CTNNA3: variants seen among roughly 807,000 people sequenced by gnomAD.
The protein encoded by CTNNA3 is catenin alpha-3.
In CTNNA3, 76 loss-of-function variants were observed where a neutral mutation model predicts 95.7. The ratio of observed to expected loss-of-function variants is 0.79; its 90% CI spans 0.66 to 0.96. The LOEUF is 0.96. Ranked by LOEUF, CTNNA3 falls within the 40% of genes least tolerant of loss-of-function variation. CTNNA3 has a pLI of 0.00. For synonymous variants in CTNNA3, 431 were observed against 374.4 expected (o/e 1.15, Z -1.74); for missense variants, 1,191 against 1,089.8 (o/e 1.09, Z -1.31).
chr10:67,395,481 T>G (rs1844677267), intron 5 of CTNNA3, among the ~76,000 whole-genome samples: 1 of 152,182 alleles, frequency 6.6e-6, no homozygotes, highest in Non-Finnish European at 1.5e-5. Flanking sequence ...AACACAAAAC[T>G]AATTATTCTC....
chr10:66,927,266 G>C lies in CTNNA3; in HGVS notation c.1048-151742C>G. 1 of 1,613,942 alleles carries C rather than the reference G, an allele frequency of 6.2e-7. No individual in the cohort carries two copies. The highest frequency in any genetic ancestry group is 8.5e-7 in the Non-Finnish European group (1 of 1,179,942). ...CGCAGACTCAAAGAGCTGATTCTTA[G>C]TTCCAATAGAATCTCCTATTTTCTT... On this transcript the variant is annotated intron_variant, in intron 7 of 17. Coordinates refer to ENST00000433211, the MANE Select transcript of CTNNA3 (RefSeq NM_013266.4). This position sits in a 1 kb window ranked among gnomAD's most constrained non-coding sequence, Gnocchi z 4.7.
intron 1 of CTNNA3, among the ~76,000 whole-genome samples, chr10:67,694,918 C>T (rs916075749): frequency 1.3e-5 from 2 of 152,144 alleles, no homozygotes; most frequent in Non-Finnish European, 2.9e-5. Flanking sequence ...TAGGAGGTAA[C>T]AAATGGGAAT....
chr10:65,997,227 A>C (rs991649837), intron 15 of CTNNA3, among the ~76,000 whole-genome samples: 1 of 152,218 alleles, frequency 6.6e-6, no homozygotes, highest in Non-Finnish European at 1.5e-5. Context: ...GCATTCACTT[A>C]AAAGGAAAAT....
chr10:66,545,871 G>A (rs1842019640), intron 10 of CTNNA3, among the ~76,000 whole-genome samples: 1 of 151,428 alleles, frequency 6.6e-6, no homozygotes, highest in South Asian at 2.1e-4. Flanking sequence ...GTTAGCTTCT[G>A]TCTTTGTATA....
At chr10:66,495,736 G>A (rs2456681) in intron 11 of CTNNA3, among the ~76,000 whole-genome samples, 33,328 of 151,960 alleles carry the variant, frequency 0.22, 6,825 homozygotes, top group East Asian at 0.84. Context: ...GCTCACTGTA[G>A]CCTCTGTCTC....
At chr10:67,562,549 A>G (rs1272106836) in intron 3 of CTNNA3, among the ~76,000 whole-genome samples, 2 of 152,148 alleles carry the variant, frequency 1.3e-5, no homozygotes, top group Non-Finnish European at 2.9e-5. Flanking sequence ...ATGGGCAAAC[A>G]CTGGAAGCAT....
intron 12 of CTNNA3, among the ~76,000 whole-genome samples, chr10:66,364,673 G>C (rs2092699279): frequency 6.6e-6 from 1 of 152,098 alleles, no homozygotes; most frequent in South Asian, 2.1e-4. Context: ...AATGTACAGA[G>C]GAACATTGAA....
chr10:67,250,999 G>T (rs955882374), intron 5 of CTNNA3, among the ~76,000 whole-genome samples: 2 of 152,112 alleles, frequency 1.3e-5, no homozygotes, highest in African/African-American at 4.8e-5. Flanking sequence ...CAAGAGAAAT[G>T]AAAACATATG....
At chr10:66,222,599 CGAAAGAAA>C (rs67153927) in intron 13 of CTNNA3, among the ~76,000 whole-genome samples, 13 of 82,838 alleles carry the variant, frequency 1.6e-4, no homozygotes, top group Admixed American at 3.6e-4. Flanking sequence ...AAAGAAAGAA[CGAAAGAAA>C]GAAAGAAAGA....
intron 13 of CTNNA3, among the ~76,000 whole-genome samples, chr10:66,118,917 T>C (rs1211458716): frequency 6.6e-6 from 1 of 152,112 alleles, no homozygotes; most frequent in East Asian, 1.9e-4. Flanking sequence ...TTATTATTAC[T>C]ATTTTTTAAG....
chr10:67,380,950 A>G (rs189843790), intron 5 of CTNNA3, among the ~76,000 whole-genome samples: 1 of 152,272 alleles, frequency 6.6e-6, no homozygotes, highest in Non-Finnish European at 1.5e-5. Flanking sequence ...GAATCCTAAA[A>G]CCTCAAGGGC....
intron 5 of CTNNA3, among the ~76,000 whole-genome samples, chr10:67,482,091 C>G (rs558758705): frequency 6.6e-6 from 1 of 151,904 alleles, no homozygotes; most frequent in Non-Finnish European, 1.5e-5. Flanking sequence ...GGGCTCTGTT[C>G]TGTTCCATTG....
chr10:67,700,432 G>A (rs1169194053), upstream of CTNNA3, among the ~76,000 whole-genome samples: 1 of 152,030 alleles, frequency 6.6e-6, no homozygotes, highest in Non-Finnish European at 1.5e-5. Context: ...GACAAAACTT[G>A]CAGAGGAACG....
At chr10:66,066,786 TAAAAC>T (rs2080321553) in intron 15 of CTNNA3, among the ~76,000 whole-genome samples, 1 of 152,132 alleles carries the variant, frequency 6.6e-6, no homozygotes. Context: ...AAGTTTGGTA[TAAAAC>T]AAAACAAAGA....
At chr10:65,937,468 T>C (rs1420169895) in intron 17 of CTNNA3, among the ~76,000 whole-genome samples, 1 of 152,164 alleles carries the variant, frequency 6.6e-6, no homozygotes, top group African/African-American at 2.4e-5. Context: ...CATGAGTAGA[T>C]GTTTGCCTTT....
intron 9 of CTNNA3, among the ~76,000 whole-genome samples, chr10:66,708,455 A>C (rs1425183754): frequency 6.6e-6 from 1 of 152,016 alleles, no homozygotes; most frequent in African/African-American, 2.4e-5. Flanking sequence ...TTCTCTTCTT[A>C]CAAGGACACT....
intron 5 of CTNNA3, among the ~76,000 whole-genome samples, chr10:67,317,578 A>T (rs952614919): frequency 4.0e-5 from 6 of 151,690 alleles, no homozygotes; most frequent in Non-Finnish European, 8.8e-5. Flanking sequence ...GGCACCCATC[A>T]CCATGCCCGG....
chr10:67,545,415 G>C (rs760572794), intron 3 of CTNNA3, among the ~76,000 whole-genome samples: 28 of 151,952 alleles, frequency 1.8e-4, no homozygotes, highest in Non-Finnish European at 3.8e-4. Flanking sequence ...AGTTGAAAAG[G>C]CTTGCTCCCC....
chr10:67,182,425 C>A (rs977608265), intron 6 of CTNNA3, among the ~76,000 whole-genome samples: 1 of 152,182 alleles, frequency 6.6e-6, no homozygotes, highest in African/African-American at 2.4e-5. Flanking sequence ...CTGAGAAAAA[C>A]AAGCAATGGG....
Sources: allele counts gnomAD v4.1 joint callset (sites outside exome capture counted in the v4.1 genomes callset), GRCh38; gene constraint gnomAD v4.1.1; non-coding constraint Gnocchi (gnomAD v3.1); transcripts MANE v1.5; gene names NCBI Gene and HGNC (gene_info 2026-07-23, HGNC 2026-07-21).